The following KAZN variants were observed in gnomAD, a reference collection of about 807,000 sequenced individuals.
The protein encoded by KAZN is kazrin, periplakin interacting protein.
In KAZN, 40 loss-of-function variants were observed where a neutral mutation model predicts 87.4. That is an observed-to-expected ratio of 0.46 (90% CI 0.36 to 0.60). The LOEUF (loss-of-function observed/expected upper bound fraction) is 0.60, where lower values mean the gene tolerates loss of function less well. Among genes scored for constraint, KAZN ranks in the 20% least tolerant of loss-of-function variants. The probability of loss-of-function intolerance (pLI) is 0.00; values close to 1 mark genes in which losing one functional copy is unlikely to be tolerated. For missense variants in KAZN, 898 were observed against 1,073.9 expected (o/e 0.84, Z 2.29); for synonymous variants, 466 against 458.3 (o/e 1.02, Z -0.22).
At chr1:14,973,081 C>T (rs1323090698) in intron 2 of KAZN, among the ~76,000 whole-genome samples, 1 of 152,050 alleles carries the variant, frequency 6.6e-6, no homozygotes, top group Non-Finnish European at 1.5e-5. Flanking sequence ...ACTGAGGCTC[C>T]AAGATCGTAC....
chr1:14,739,716 C>T (rs574090609), intron 1 of KAZN, among the ~76,000 whole-genome samples: 3 of 151,556 alleles, frequency 2.0e-5, no homozygotes, highest in South Asian at 2.1e-4. Flanking sequence ...ACTGTGGTAA[C>T]GGGTCAAGTC....
At chr1:14,347,638 A>G (rs945635912) in intron 2 of KAZN, among the ~76,000 whole-genome samples, 40 of 152,158 alleles carry the variant, frequency 2.6e-4, no homozygotes, top group African/African-American at 9.4e-4. Context: ...TGTGTATACA[A>G]TGAGTCCATT....
At chr1:14,544,913 G>A (rs1292515027) in intron 2 of KAZN, among the ~76,000 whole-genome samples, 1 of 151,922 alleles carries the variant, frequency 6.6e-6, no homozygotes, top group Non-Finnish European at 1.5e-5. Context: ...GGACCCCCAG[G>A]CCATTCAAAG....
At chr1:14,727,960 C>T (rs1451409562) in intron 1 of KAZN, among the ~76,000 whole-genome samples, 1 of 151,916 alleles carries the variant, frequency 6.6e-6, no homozygotes, top group Non-Finnish European at 1.5e-5. Flanking sequence ...CCCTCATATG[C>T]GCAGTTCGCA....
At chr1:14,837,709 C>A (rs1419325139) in intron 1 of KAZN, among the ~76,000 whole-genome samples, 1 of 151,652 alleles carries the variant, frequency 6.6e-6, no homozygotes, top group Non-Finnish European at 1.5e-5. Flanking sequence ...GTGCCACCAC[C>A]CCTGGATAAT....
intron 2 of KAZN, among the ~76,000 whole-genome samples, chr1:14,419,413 C>T (rs933321810): frequency 5.3e-5 from 8 of 152,130 alleles, no homozygotes; most frequent in Non-Finnish European, 7.4e-5. Context: ...AGCCCATTCC[C>T]TTGTCACAGA....
chr1:14,784,908 C>A (rs1428368920), intron 1 of KAZN, among the ~76,000 whole-genome samples: 1 of 151,428 alleles, frequency 6.6e-6, no homozygotes, highest in African/African-American at 2.4e-5. Context: ...AGCCCCGAAT[C>A]GGAAATACAT....
chr1:14,387,422 T>C (rs1398522799), intron 2 of KAZN, among the ~76,000 whole-genome samples: 1 of 152,196 alleles, frequency 6.6e-6, no homozygotes, highest in Admixed American at 6.5e-5. Context: ...TTCTGCTCTG[T>C]TTTTTCCCAA....
chr1:14,327,831 C>G (rs1022401536), intron 2 of KAZN, among the ~76,000 whole-genome samples: 1 of 152,132 alleles, frequency 6.6e-6, no homozygotes, highest in African/African-American at 2.4e-5. Context: ...GGGAAAGGAT[C>G]CCCTTTCACA....
chr1:15,001,307 CAA>C (rs201932238), intron 2 of KAZN, among the ~76,000 whole-genome samples: 22,761 of 97,620 alleles, frequency 0.23, 2,001 homozygotes, highest in East Asian at 0.38. Context: ...ACTAAAAATA[CAA>C]AAAAAAAAAA....
chr1:14,794,007 A>G (rs993839518), intron 1 of KAZN, among the ~76,000 whole-genome samples: 8 of 152,184 alleles, frequency 5.3e-5, no homozygotes, highest in African/African-American at 1.9e-4. Context: ...AAGTAACACC[A>G]CAGGTCCTGA....
At chr1:14,010,696 T>C (rs1640254465) in intron 1 of KAZN, among the ~76,000 whole-genome samples, 1 of 152,208 alleles carries the variant, frequency 6.6e-6, no homozygotes, top group African/African-American at 2.4e-5. Flanking sequence ...AAGGTATGCT[T>C]TGATGCCAGG....
chr1:14,931,903 C>T (rs10927581), intron 1 of KAZN, among the ~76,000 whole-genome samples: 55,082 of 151,808 alleles, frequency 0.36, 11,951 homozygotes, highest in African/African-American at 0.6. Context: ...TTTTTTTCCT[C>T]TTTATGCCAA....
chr1:14,303,547 A>G (rs992548073), intron 2 of KAZN, among the ~76,000 whole-genome samples: 8 of 152,160 alleles, frequency 5.3e-5, no homozygotes, highest in African/African-American at 1.9e-4. Context: ...CCAGACGGGA[A>G]TCTGCACTTT....
intron 1 of KAZN, among the ~76,000 whole-genome samples, chr1:14,853,073 C>T (rs965649065): frequency 6.6e-6 from 1 of 152,206 alleles, no homozygotes; most frequent in African/African-American, 2.4e-5. Flanking sequence ...CTTCATCTGG[C>T]TCACTCCAAA....
chr1:14,539,719 GA>G (rs374668940), intron 2 of KAZN, among the ~76,000 whole-genome samples: 285 of 147,148 alleles, frequency 1.9e-3, no homozygotes, highest in African/African-American at 6.7e-3. Flanking sequence ...CTAGTTTGAT[GA>G]AAAAAAAAAC....
At chr1:14,442,291 C>A (rs1274346722) in intron 2 of KAZN, among the ~76,000 whole-genome samples, 1 of 152,244 alleles carries the variant, frequency 6.6e-6, no homozygotes, top group Non-Finnish European at 1.5e-5. Context: ...TTCACTCAGG[C>A]TGACCAAATG....
Position 14,769,831 on chromosome 1 carries a change from C to T in KAZN, c.226+170608C>T, listed in dbSNP as rs564560369. On this transcript the variant is annotated intron_variant, in intron 1 of 14. Transcript: ENST00000376030. The surrounding 1 kb of genome is among the most constrained non-coding windows in gnomAD (Gnocchi z 4.1). ...GACCTGTTGGTTGCTTACAATATGA[C>T]GGGATAGGTAGATGTTGACGAAGTA... Among the ~76,000 whole-genome samples, 2 of 152,238 alleles carry T rather than the reference C, an allele frequency of 1.3e-5. No homozygotes were observed. The highest frequency in any genetic ancestry group is 1.9e-4 in the East Asian group (1 of 5,182).
intron 2 of KAZN, among the ~76,000 whole-genome samples, chr1:14,389,122 A>G (rs1189311610): frequency 2.0e-5 from 3 of 152,218 alleles, no homozygotes; most frequent in Non-Finnish European, 4.4e-5. Context: ...ATTGATCATC[A>G]GAGAAATGCA....
Sources: gnomAD v4.1 joint callset for allele counts (sites outside exome capture counted in the v4.1 genomes callset) on GRCh38, gnomAD v4.1.1 for gene constraint, Gnocchi (gnomAD v3.1) non-coding constraint, MANE v1.5 for transcripts, NCBI Gene and HGNC (gene_info 2026-07-23, HGNC 2026-07-21) for gene names.